The following SMOC2 variants were observed in gnomAD, a reference collection of about 807,000 sequenced individuals.
The protein encoded by SMOC2 is SPARC related modular calcium binding 2.
A neutral mutation model predicts 61.4 loss-of-function variants in SMOC2; 39 were observed. The observed-to-expected ratio is 0.64, with a 90% confidence interval of 0.49 to 0.83. The LOEUF is 0.83. SMOC2 is among the 40% of genes least tolerant of loss of function. SMOC2 has a pLI of 0.00. For synonymous variants in SMOC2, 247 were observed against 239.9 expected (o/e 1.03, Z -0.27); for missense variants, 556 against 592.9 (o/e 0.94, Z 0.65).
Position 168,453,112 on chromosome 6 carries a change from C to T in SMOC2, c.84+11658C>T, listed in dbSNP as rs1306544959. ...TGGCCGGACACTCAGGGCAATCTGC[C>T]CTGAGGAATTCAGGGCAGTGTGGCT... On this transcript the variant is annotated intron_variant, in intron 1 of 12. Transcript: ENST00000356284. The surrounding 1 kb of genome is among the most constrained non-coding windows in gnomAD (Gnocchi z 4.4). Among the ~76,000 whole-genome samples, 2 of 152,156 alleles carry T rather than the reference C, an allele frequency of 1.3e-5. No homozygotes were observed. The highest frequency in any genetic ancestry group is 3.9e-4 in the East Asian group (2 of 5,138).
chr6:168,451,066 G>C (rs1781449451), intron 1 of SMOC2, among the ~76,000 whole-genome samples: 1 of 152,148 alleles, frequency 6.6e-6, no homozygotes, highest in Non-Finnish European at 1.5e-5. Flanking sequence ...CCCAAGCAAT[G>C]GGTGTGGCTA....
chr6:168,541,414 G>A (rs1783876538), intron 4 of SMOC2, among the ~76,000 whole-genome samples: 1 of 152,132 alleles, frequency 6.6e-6, no homozygotes. Context: ...AGTACAGCCG[G>A]CAATCTTGCT....
intron 1 of SMOC2, among the ~76,000 whole-genome samples, chr6:168,492,666 C>T (rs879885594): frequency 6.6e-6 from 1 of 152,220 alleles, no homozygotes; most frequent in Non-Finnish European, 1.5e-5. Context: ...CTTTCAGTCT[C>T]AAGATGACGT....
chr6:168,488,681 C>A (rs532063191), intron 1 of SMOC2, among the ~76,000 whole-genome samples: 1 of 152,292 alleles, frequency 6.6e-6, no homozygotes, highest in East Asian at 1.9e-4. Flanking sequence ...TATATTGAGT[C>A]ATCTGGGTCC....
chr6:168,444,789 T>C (rs920247954), intron 1 of SMOC2, among the ~76,000 whole-genome samples: 1 of 152,196 alleles, frequency 6.6e-6, no homozygotes, highest in African/African-American at 2.4e-5. Flanking sequence ...TCACAATTAC[T>C]CAACTTTATC....
At chr6:168,616,892 G>C (rs4708764) in intron 9 of SMOC2, among the ~76,000 whole-genome samples, 1 of 152,132 alleles carries the variant, frequency 6.6e-6, no homozygotes, top group Admixed American at 6.5e-5. Flanking sequence ...GCTGCACTGC[G>C]GGGGGGTTGC....
intron 1 of SMOC2, among the ~76,000 whole-genome samples, chr6:168,496,466 C>G (rs1782592070): frequency 6.6e-6 from 1 of 152,228 alleles, no homozygotes; most frequent in Non-Finnish European, 1.5e-5. Flanking sequence ...TGAATAGATT[C>G]ATGTGGCTAA....
At chr6:168,596,594 A>T (rs1214700057) in intron 7 of SMOC2, among the ~76,000 whole-genome samples, 4 of 152,238 alleles carry the variant, frequency 2.6e-5, no homozygotes, top group Non-Finnish European at 4.4e-5. Flanking sequence ...TGCTCTCCGG[A>T]GGCGCAGTTC....
intron 3 of SMOC2, 33 bp downstream of exon 3, chr6:168,526,485 G>T: frequency 6.4e-7 from 1 of 1,567,808 alleles, no homozygotes; most frequent in South Asian, 1.1e-5. Context: ...TTCTGCACCT[G>T]TGCGATTAGG....
intron 11 of SMOC2, among the ~76,000 whole-genome samples, chr6:168,656,734 A>G (rs1004405241): frequency 6.6e-6 from 1 of 151,896 alleles, no homozygotes; most frequent in South Asian, 2.1e-4. Context: ...GCAAGCCTAG[A>G]TCTGTGTCAT....
chr6:168,488,174 A>G (rs927373812), intron 1 of SMOC2, among the ~76,000 whole-genome samples: 3 of 152,120 alleles, frequency 2.0e-5, no homozygotes, highest in Non-Finnish European at 4.4e-5. Context: ...GCAGGCCTGC[A>G]CTCTGGGTAA....
intron 9 of SMOC2, among the ~76,000 whole-genome samples, chr6:168,627,271 A>T (rs1474856250): frequency 6.6e-6 from 1 of 152,150 alleles, no homozygotes; most frequent in Non-Finnish European, 1.5e-5. Flanking sequence ...CCTTATAAAA[A>T]TTGCCCTTTG....
chr6:168,518,830 TGA>T (rs1405341353), intron 2 of SMOC2, among the ~76,000 whole-genome samples: 2 of 148,206 alleles, frequency 1.3e-5, no homozygotes, highest in African/African-American at 2.5e-5. Context: ...TGTGAGTGCA[TGA>T]GTGTGCATGC....
At chr6:168,518,083 G>A (rs1223100016) in intron 2 of SMOC2, among the ~76,000 whole-genome samples, 4 of 152,232 alleles carry the variant, frequency 2.6e-5, no homozygotes, top group Non-Finnish European at 5.9e-5. Context: ...AGGCCAGAGA[G>A]CTCCACACCT....
chr6:168,541,389 G>A (rs1015388029), intron 4 of SMOC2, among the ~76,000 whole-genome samples: 2 of 152,072 alleles, frequency 1.3e-5, no homozygotes, highest in African/African-American at 4.8e-5. Flanking sequence ...CTTCTTTCTC[G>A]GCCCCTTTTC....
intron 2 of SMOC2, among the ~76,000 whole-genome samples, chr6:168,523,395 CT>C (rs200642543): frequency 2.8e-4 from 40 of 140,542 alleles, no homozygotes; most frequent in East Asian, 1.3e-3. Flanking sequence ...GCCAGTAATT[CT>C]TTTTTTTTTG....
intron 9 of SMOC2, among the ~76,000 whole-genome samples, chr6:168,614,428 A>AGG (rs202196372): frequency 1.3e-5 from 1 of 78,420 alleles, no homozygotes; most frequent in Non-Finnish European, 2.5e-5. Context: ...CAGCCAGCAC[A>AGG]GGGCCTCTTC....
intron 1 of SMOC2, among the ~76,000 whole-genome samples, chr6:168,450,652 GAATGA>G (rs1781439518): frequency 6.6e-6 from 1 of 152,292 alleles, no homozygotes; most frequent in African/African-American, 2.4e-5. Context: ...GGATGTAAAA[GAATGA>G]TCTCGGGCCC....
At chr6:168,442,656 T>C (rs553842472) in intron 1 of SMOC2, among the ~76,000 whole-genome samples, 11 of 152,366 alleles carry the variant, frequency 7.2e-5, no homozygotes, top group African/African-American at 2.4e-4. Context: ...TGAAATAAGC[T>C]GTGGTCGGTT....
Sources: allele counts gnomAD v4.1 joint callset (sites outside exome capture counted in the v4.1 genomes callset), GRCh38; gene constraint gnomAD v4.1.1; non-coding constraint Gnocchi (gnomAD v3.1); transcripts MANE v1.5; gene names NCBI Gene and HGNC (gene_info 2026-07-23, HGNC 2026-07-21).